Variants in RPS6KC1 observed in about 807,000 individuals in gnomAD.
The protein encoded by RPS6KC1 is inactive ribosomal protein S6 kinase delta-1.
A neutral mutation model predicts 103.8 loss-of-function variants in RPS6KC1; 54 were observed. That is an observed-to-expected ratio of 0.52 (90% CI 0.42 to 0.65). The LOEUF (loss-of-function observed/expected upper bound fraction) is 0.65, where lower values mean the gene tolerates loss of function less well. Among genes scored for constraint, RPS6KC1 ranks in the 30% least tolerant of loss-of-function variants. The probability of loss-of-function intolerance (pLI) is 0.00; values close to 1 mark genes in which losing one functional copy is unlikely to be tolerated. For missense variants in RPS6KC1, 1,151 were observed against 1,253.8 expected, an observed-to-expected ratio of 0.92 and a Z score of 1.24; for synonymous variants, 439 against 438.7, an observed-to-expected ratio of 1.00 and a Z score of -0.01.
the RPS6KC1 span, among the ~76,000 whole-genome samples, chr1:213,621,225 T>G: frequency 2.0e-5 from 3 of 152,210 alleles, no homozygotes; most frequent in Middle Eastern, 6.8e-3. Context: ...AGCCGATTGA[T>G]TAATGGCATT....
At chr1:213,501,074 A>G in the RPS6KC1 span, among the ~76,000 whole-genome samples, 1 of 145,396 alleles carries the variant, frequency 6.9e-6, no homozygotes, top group Non-Finnish European at 1.5e-5. Context: ...TTCGATTTCA[A>G]TTAAAATTTC....
intron 7 of RPS6KC1, among the ~76,000 whole-genome samples, chr1:213,173,064 T>C (rs2091602391): frequency 6.6e-6 from 1 of 152,200 alleles, no homozygotes; most frequent in Admixed American, 6.5e-5. Flanking sequence ...CCTTGCTGCG[T>C]CTCAGTTTTC....
chr1:213,640,712 T>C, the RPS6KC1 span, among the ~76,000 whole-genome samples: 1 of 151,912 alleles, frequency 6.6e-6, no homozygotes, highest in Admixed American at 6.6e-5. Flanking sequence ...CTTTCTTTTA[T>C]TGATTTCTAG....
At chr1:213,515,794 G>A in the RPS6KC1 span, among the ~76,000 whole-genome samples, 5 of 152,140 alleles carry the variant, frequency 3.3e-5, no homozygotes, top group Admixed American at 6.5e-5. Flanking sequence ...GATGGGGATA[G>A]CATTGAATCC....
chr1:213,625,074 C>T, the RPS6KC1 span, among the ~76,000 whole-genome samples: 11 of 152,206 alleles, frequency 7.2e-5, 1 homozygote, highest in East Asian at 2.1e-3. Context: ...TTTCCACCAC[C>T]CGGGTTCAAG....
the RPS6KC1 span, among the ~76,000 whole-genome samples, chr1:213,535,913 G>A: frequency 7.3e-4 from 111 of 152,238 alleles, no homozygotes; most frequent in African/African-American, 2.6e-3. Flanking sequence ...GAGAGCTGGG[G>A]GTGGGGTGAT....
chr1:213,395,122 G>T, the RPS6KC1 span, among the ~76,000 whole-genome samples: 1 of 152,204 alleles, frequency 6.6e-6, no homozygotes, highest in Non-Finnish European at 1.5e-5. Context: ...CCCGGAACAT[G>T]GAATGTCATG....
At chr1:213,128,308 T>C (rs2085217135) in intron 5 of RPS6KC1, among the ~76,000 whole-genome samples, 1 of 152,210 alleles carries the variant, frequency 6.6e-6, no homozygotes, top group South Asian at 2.1e-4. Flanking sequence ...TTGGAAAATA[T>C]AGTTATTTTT....
intron 10 of RPS6KC1, among the ~76,000 whole-genome samples, chr1:213,239,106 A>G (rs1326867927): frequency 6.6e-6 from 1 of 152,224 alleles, no homozygotes; most frequent in Non-Finnish European, 1.5e-5. Context: ...GCATTAGCTA[A>G]GAAAAAAATG....
chr1:213,810,184 G>A, the RPS6KC1 span, among the ~76,000 whole-genome samples: 1 of 152,198 alleles, frequency 6.6e-6, no homozygotes, highest in African/African-American at 2.4e-5. Context: ...GTAAACTGAG[G>A]CTTGGAGTGG....
the RPS6KC1 span, among the ~76,000 whole-genome samples, chr1:213,695,358 G>C: frequency 6.6e-6 from 1 of 152,192 alleles, no homozygotes; most frequent in Non-Finnish European, 1.5e-5. Context: ...TAAAATGCCA[G>C]ATGCGAGTAG....
chr1:213,595,508 A>C, the RPS6KC1 span, among the ~76,000 whole-genome samples: 1 of 152,204 alleles, frequency 6.6e-6, no homozygotes, highest in East Asian at 1.9e-4. Context: ...TGCAAAGGGC[A>C]GGCAGGAGAA....
the RPS6KC1 span, among the ~76,000 whole-genome samples, chr1:213,336,644 T>C: frequency 1.3e-5 from 2 of 152,196 alleles, no homozygotes; most frequent in Non-Finnish European, 2.9e-5. Flanking sequence ...CAAAACCTAT[T>C]AAATAATTAG....
At chr1:213,217,443 A>G (rs1346735269) in intron 8 of RPS6KC1, among the ~76,000 whole-genome samples, 12 of 152,242 alleles carry the variant, frequency 7.9e-5, no homozygotes, top group Non-Finnish European at 2.9e-5. Flanking sequence ...TACCAGAGGT[A>G]CAAAGATGAG....
chr1:213,148,811 T>C (rs1447722669), intron 6 of RPS6KC1, among the ~76,000 whole-genome samples: 2 of 152,154 alleles, frequency 1.3e-5, no homozygotes, highest in African/African-American at 4.8e-5. Context: ...GTCCTGGGCT[T>C]TTCTTTACTT....
the RPS6KC1 span, among the ~76,000 whole-genome samples, chr1:213,324,447 A>T: frequency 2.0e-5 from 3 of 152,206 alleles, no homozygotes; most frequent in Non-Finnish European, 4.4e-5. Flanking sequence ...AAAGTCCTTG[A>T]TCTTGGACTC....
At chr1:213,215,165 A>G (rs1470977034) in intron 8 of RPS6KC1, among the ~76,000 whole-genome samples, 2 of 152,238 alleles carry the variant, frequency 1.3e-5, no homozygotes, top group African/African-American at 4.8e-5. Flanking sequence ...GGAATAACCA[A>G]TGCAGAGAAG....
the RPS6KC1 span, among the ~76,000 whole-genome samples, chr1:213,492,840 T>C: frequency 6.6e-6 from 1 of 152,170 alleles, no homozygotes; most frequent in Non-Finnish European, 1.5e-5. Flanking sequence ...TGGGAGACCA[T>C]TTTGTGTCCA....
the RPS6KC1 span, among the ~76,000 whole-genome samples, chr1:213,507,727 A>G: frequency 6.6e-6 from 1 of 152,176 alleles, no homozygotes; most frequent in African/African-American, 2.4e-5. Flanking sequence ...ATGCCCAGGC[A>G]TGGCTTGAGC....
Sources: allele counts gnomAD v4.1 joint callset (sites outside exome capture counted in the v4.1 genomes callset), GRCh38; gene constraint gnomAD v4.1.1; transcripts MANE v1.5; gene names NCBI Gene and HGNC (gene_info 2026-07-23, HGNC 2026-07-21).